ASPSCR1: variants seen among roughly 807,000 people sequenced by gnomAD.
ASPSCR1 encodes ASPSCR1 tether for SLC2A4, UBX domain containing.
A neutral mutation model predicts 68.9 loss-of-function variants in ASPSCR1; 55 were observed. The observed-to-expected ratio is 0.80, with a 90% confidence interval of 0.64 to 1.00. The LOEUF (loss-of-function observed/expected upper bound fraction) is 1.00, where lower values mean the gene tolerates loss of function less well. Among genes scored for constraint, ASPSCR1 ranks in the 50% least tolerant of loss-of-function variants. The probability of loss-of-function intolerance (pLI) is 0.00; values close to 1 mark genes in which losing one functional copy is unlikely to be tolerated. For synonymous variants in ASPSCR1, 352 were observed against 332.6 expected (o/e 1.06, Z -0.63); for missense variants, 765 against 762.2 (o/e 1.00, Z -0.04).
intron 7 of ASPSCR1, among the ~76,000 whole-genome samples, chr17:81,997,511 CAG>C (rs2042391764): frequency 8.0e-6 from 1 of 125,618 alleles, no homozygotes; most frequent in Non-Finnish European, 1.6e-5. Flanking sequence ...TTTTTTGAGA[CAG>C]AGTCTCACTG....
Position 81,986,557 on chromosome 17 carries a change from A to G in ASPSCR1, c.374+950A>G, listed in dbSNP as rs2041999120. On this transcript the variant is annotated intron_variant, in intron 4 of 15. Coordinates refer to ENST00000306739, the MANE Select transcript of ASPSCR1 (RefSeq NM_024083.4). This position sits in a 1 kb window ranked among gnomAD's most constrained non-coding sequence, Gnocchi z 5.2. Reference sequence around the variant, plus strand: ...TTTGGGTCTTTTCATCGTTGGCTGGAAGTCTCTGTCCACAGTAAAAGGCTC... The same window carrying G: ...TTTGGGTCTTTTCATCGTTGGCTGGGAGTCTCTGTCCACAGTAAAAGGCTC... Among the ~76,000 whole-genome samples the G allele has an allele frequency of 6.6e-6, 1 of 152,224 alleles. No individual in the cohort carries two copies. Among genetic ancestry groups the G allele is most frequent in the Non-Finnish European group, 1.5e-5 (1 of 68,036 alleles).
intron 7 of ASPSCR1, 72 bp downstream of exon 7, chr17:81,996,918 C>G: frequency 6.6e-7 from 1 of 1,514,714 alleles, no homozygotes; most frequent in South Asian, 1.3e-5. Context: ...GTGGCTTTAG[C>G]TGGTCAGCCT....
intron 8 of ASPSCR1, 47 bp downstream of exon 8, chr17:82,009,238 C>T (rs2042828521): frequency 2.6e-6 from 4 of 1,539,918 alleles, no homozygotes; most frequent in East Asian, 2.4e-5. Flanking sequence ...CCAGGGTTTG[C>T]CCCATCGGGT....
rs1296631700 is a variant in ASPSCR1 at position 81,986,426 on chromosome 17, C to A, written c.374+819C>A. Among the ~76,000 whole-genome samples, 2 of 152,022 alleles carry A rather than the reference C, an allele frequency of 1.3e-5. No homozygotes were observed. The highest frequency in any genetic ancestry group is 2.9e-5 in the Non-Finnish European group (2 of 67,988). On this transcript the variant is annotated intron_variant, in intron 4 of 15. Transcript: ENST00000306739. The surrounding 1 kb of genome is among the most constrained non-coding windows in gnomAD (Gnocchi z 5.2). ...CCTGGGCAACAGAACGAGACTCTGTCTCAAAAAAATAAATAAATAAAAATA... is the reference window on the plus strand; with the variant it reads ...CCTGGGCAACAGAACGAGACTCTGTATCAAAAAAATAAATAAATAAAAATA...
At chr17:82,010,985 T>G in intron 10 of ASPSCR1, 117 bp downstream of exon 10, 1 of 1,261,116 alleles carries the variant, frequency 7.9e-7, no homozygotes, top group Middle Eastern at 2.7e-4. Context: ...TCCAGGGCAC[T>G]GGGTGGGTGC....
intron 4 of ASPSCR1, among the ~76,000 whole-genome samples, chr17:81,991,131 C>T (rs1214523751): frequency 2.0e-5 from 3 of 152,144 alleles, no homozygotes; most frequent in Admixed American, 6.5e-5. Flanking sequence ...ATCTGAAGAC[C>T]GTGAGGGAGC....
At chr17:82,004,164 G>A (rs373826410) in intron 7 of ASPSCR1, among the ~76,000 whole-genome samples, 9 of 152,186 alleles carry the variant, frequency 5.9e-5, no homozygotes, top group African/African-American at 2.2e-4. Context: ...TGCCCCTGGC[G>A]CCCTCACCCT....
chr17:81,994,200 T>C (rs1202520390), intron 4 of ASPSCR1, among the ~76,000 whole-genome samples: 1 of 152,234 alleles, frequency 6.6e-6, no homozygotes, highest in Non-Finnish European at 1.5e-5. Flanking sequence ...CGGGTCCAGC[T>C]GTGCCTCCTG....
At chr17:82,011,088 C>T (rs1386461193) in intron 10 of ASPSCR1, among the ~76,000 whole-genome samples, 1 of 152,182 alleles carries the variant, frequency 6.6e-6, no homozygotes, top group Non-Finnish European at 1.5e-5. Flanking sequence ...GGCCCCAGCT[C>T]AGGGAGCCCG....
At chr17:82,009,326 T>C in intron 8 of ASPSCR1, 135 bp downstream of exon 8, 4 of 1,399,758 alleles carry the variant, frequency 2.9e-6, no homozygotes, top group Non-Finnish European at 3.8e-6. Flanking sequence ...TAACAGGACC[T>C]CAGAGGGTTG....
At chr17:81,997,486 G>C (rs1387725194) in intron 7 of ASPSCR1, among the ~76,000 whole-genome samples, 3 of 149,836 alleles carry the variant, frequency 2.0e-5, no homozygotes, top group African/African-American at 7.4e-5. Context: ...TTTTTTTCTG[G>C]GTTTTTTTTT....
In ASPSCR1 at chr17:81,987,863, CAAAAG is replaced by C. The variant is rs766457198; in HGVS notation, c.374+2260_374+2264del. On this transcript the variant is annotated intron_variant, in intron 4 of 15. Coordinates refer to ENST00000306739, the MANE Select transcript of ASPSCR1 (RefSeq NM_024083.4). This position sits in a 1 kb window ranked among gnomAD's most constrained non-coding sequence, Gnocchi z 5.6. Reference sequence around the variant, plus strand: ...ACTCCATCTCAAAAAAACAAAAAAACAAAAGAAACAACAAGGCTGGGCACGGTGGC... The same window carrying C: ...ACTCCATCTCAAAAAAACAAAAAAACAAACAACAAGGCTGGGCACGGTGGC... Among the ~76,000 whole-genome samples, 355 of 151,752 alleles carry C rather than the reference CAAAAG, an allele frequency of 2.3e-3. 2 individuals are homozygous for C. Among genetic ancestry groups the C allele is most frequent in the Middle Eastern group, 0.014 (4 of 294 alleles).
At chr17:82,004,395 G>C (rs975896942) in intron 7 of ASPSCR1, 2 of 152,324 alleles carry the variant, frequency 1.3e-5, no homozygotes, top group African/African-American at 4.8e-5. Flanking sequence ...GGTCCTTGGC[G>C]GCCCTCCTGG....
In ASPSCR1 at chr17:82,016,962, G is replaced by T; in HGVS notation, c.1497G>T (p.Gly499=). 6.2e-7 allele frequency: 1 copy of T among 1,611,758 alleles called. No homozygotes were observed. The highest frequency in any genetic ancestry group is 1.1e-5 in the South Asian group (1 of 91,024). ...ACAGGTACATGTCCAGGGCCGCCGG[G>T]TCCCCTTCCCCATTGCCAGCCCCTG... The part of the protein sequence containing the change: ...LVARYMSRAA[G]SPSPLPAPDP... Residue 499 remains glycine (G), a synonymous_variant, in exon 15 of 16, where the codon GGG becomes GGT. Transcript: ENST00000306739.
rs2042850769 is a variant in ASPSCR1, at chr17:82,009,680, G to A, written c.1170+113G>A. 1.8e-5 allele frequency: 15 copies of A among 823,412 alleles called. No individual in the cohort carries two copies. The South Asian group carries it at 2.5e-4, about 14-fold the overall frequency. 51.0% of individuals were successfully genotyped at this position (823,412 alleles called of 1,614,324 possible). On this transcript the variant is annotated intron_variant, in intron 9 of 15. Transcript: ENST00000306739. Reference sequence around the variant, plus strand: ...ACAGCTCTGAGCGGGCCCCCTGTGAGGTCTGTGGACAGGACGTGGTGGCGA... The same window carrying A: ...ACAGCTCTGAGCGGGCCCCCTGTGAAGTCTGTGGACAGGACGTGGTGGCGA...
At chr17:81,996,336 G>A (rs1213442995) in intron 6 of ASPSCR1, 84 bp from the exon 7 acceptor site, 30 of 1,509,926 alleles carry the variant, frequency 2.0e-5, no homozygotes, top group East Asian at 4.6e-5. Context: ...AGCCGGGGGC[G>A]GGAGAGGGTG....
At chr17:81,985,420 T>C in intron 3 of ASPSCR1, 87 bp from the exon 4 acceptor site, 1 of 1,414,424 alleles carries the variant, frequency 7.1e-7, no homozygotes, top group East Asian at 2.3e-5. Flanking sequence ...GCAGTCACCC[T>C]CTCTGTGTCT....
rs143182864 is a variant in ASPSCR1, at chr17:81,992,315, C to T, written c.375-2506C>T. Among the ~76,000 whole-genome samples the T allele has an allele frequency of 5.9e-3, 904 of 152,220 alleles. 5 individuals carry two copies. The highest frequency in any genetic ancestry group is 9.5e-3 in the Non-Finnish European group (643 of 67,996). On this transcript the variant is annotated intron_variant, in intron 4 of 15. Transcript: ENST00000306739. ...GGCCCTGGCGTCCTGCACACTGGGC[C>T]GGCGTAGAAGGTCTGGAACCGATTG...
Position 81,987,887 on chromosome 17 carries a change from C to T in ASPSCR1, c.374+2280C>T, listed in dbSNP as rs541817336. ...ACAAAAGAAACAACAAGGCTGGGCA[C>T]GGTGGCTCACACCTGTAATCGCAGC... On this transcript the variant is annotated intron_variant, in intron 4 of 15. Coordinates refer to ENST00000306739, the MANE Select transcript of ASPSCR1 (RefSeq NM_024083.4). The surrounding 1 kb of genome is among the most constrained non-coding windows in gnomAD (Gnocchi z 5.6). Among the ~76,000 whole-genome samples the T allele has an allele frequency of 2.0e-5, 3 of 151,982 alleles. No homozygotes were observed. Among genetic ancestry groups the T allele is most frequent in the African/African-American group, 7.2e-5 (3 of 41,382 alleles).
Sources: allele counts gnomAD v4.1 joint callset (sites outside exome capture counted in the v4.1 genomes callset), GRCh38; gene constraint gnomAD v4.1.1; non-coding constraint Gnocchi (gnomAD v3.1); transcripts MANE v1.5; gene names NCBI Gene and HGNC (gene_info 2026-07-23, HGNC 2026-07-21).